Variants in SPADH observed in about 807,000 individuals in gnomAD.
The protein encoded by SPADH is CUB domain-containing protein.
At chr10:122,678,530 T>G in the SPADH span, among the ~76,000 whole-genome samples, 1 of 152,096 alleles carries the variant, frequency 6.6e-6, no homozygotes, top group Non-Finnish European at 1.5e-5. Flanking sequence ...ACACAGCTGA[T>G]GTTTTGACTA....
At chr10:122,676,117 C>T in the SPADH span, among the ~76,000 whole-genome samples, 4 of 152,342 alleles carry the variant, frequency 2.6e-5, no homozygotes, top group South Asian at 2.1e-4. Context: ...CGAGCTTCTC[C>T]GTGAGGATGC....
the SPADH span, among the ~76,000 whole-genome samples, chr10:122,677,908 T>C: frequency 6.6e-6 from 1 of 152,162 alleles, no homozygotes; most frequent in African/African-American, 2.4e-5. Flanking sequence ...AGGAGGGACC[T>C]GGAATGAAAG....
chr10:122,673,427 G>A, the SPADH span, among the ~76,000 whole-genome samples: 2 of 152,128 alleles, frequency 1.3e-5, no homozygotes. Flanking sequence ...GTTGTCACAT[G>A]GCTGCTGCAG....
At chr10:122,679,418 G>A in the SPADH span, among the ~76,000 whole-genome samples, 7 of 151,448 alleles carry the variant, frequency 4.6e-5, no homozygotes, top group Admixed American at 4.6e-4. Flanking sequence ...AGTAGTATAT[G>A]AACTATATAC....
At chr10:122,675,127 A>G in the SPADH span, among the ~76,000 whole-genome samples, 1 of 152,220 alleles carries the variant, frequency 6.6e-6, no homozygotes, top group African/African-American at 2.4e-5. Context: ...CAACAGATTT[A>G]TTTCAAATTC....
the SPADH span, among the ~76,000 whole-genome samples, chr10:122,676,425 T>A: frequency 6.6e-6 from 1 of 152,092 alleles, no homozygotes; most frequent in Non-Finnish European, 1.5e-5. Context: ...TGTAGGGAAA[T>A]GGAAAGATAG....
chr10:122,676,432 A>G, the SPADH span, among the ~76,000 whole-genome samples: 8 of 152,178 alleles, frequency 5.3e-5, no homozygotes, highest in African/African-American at 1.9e-4. Context: ...AAATGGAAAG[A>G]TAGTGTTTGT....
chr10:122,678,569 T>C, the SPADH span, among the ~76,000 whole-genome samples: 1 of 152,186 alleles, frequency 6.6e-6, no homozygotes, highest in Non-Finnish European at 1.5e-5. Context: ...CCTAGGGCCA[T>C]GGGCTGGGCT....
At chr10:122,674,813 G>A in the SPADH span, among the ~76,000 whole-genome samples, 1 of 152,208 alleles carries the variant, frequency 6.6e-6, no homozygotes, top group South Asian at 2.1e-4. Context: ...CATCCTGTAA[G>A]GTAGTTAAAA....
chr10:122,677,084 T>C, the SPADH span, among the ~76,000 whole-genome samples: 1 of 152,240 alleles, frequency 6.6e-6, no homozygotes, highest in Non-Finnish European at 1.5e-5. Flanking sequence ...TTTCTTGTCA[T>C]GCCTTTCTCA....
At chr10:122,675,597 A>C in the SPADH span, 1 of 924,738 alleles carries the variant, frequency 1.1e-6, no homozygotes, top group Non-Finnish European at 1.3e-6. Context: ...CCCATTGGTA[A>C]GTTCAGATTT....
At chr10:122,673,737 C>G in the SPADH span, among the ~76,000 whole-genome samples, 1 of 152,130 alleles carries the variant, frequency 6.6e-6, no homozygotes, top group Admixed American at 6.5e-5. Context: ...GTTTCCTACT[C>G]TCGTCACTTC....
the SPADH span, among the ~76,000 whole-genome samples, chr10:122,678,586 A>G: frequency 6.6e-6 from 1 of 152,150 alleles, no homozygotes; most frequent in East Asian, 1.9e-4. Context: ...GGCTCCCTGG[A>G]AGACATGGAA....
At chr10:122,676,849 T>C in the SPADH span, 1 of 985,186 alleles carries the variant, frequency 1.0e-6, no homozygotes, top group South Asian at 4.7e-5. Context: ...ATCATCGAGT[T>C]GAACCCCGGG....
the SPADH span, chr10:122,675,640 G>C: frequency 4.1e-6 from 4 of 984,126 alleles, no homozygotes; most frequent in Non-Finnish European, 4.8e-6. Context: ...TTGTCTTTCA[G>C]CCACAACTGT....
the SPADH span, among the ~76,000 whole-genome samples, chr10:122,674,644 G>A: frequency 1.3e-5 from 2 of 152,186 alleles, no homozygotes; most frequent in African/African-American, 4.8e-5. Context: ...GTCAGAATAG[G>A]TTGTGTAGCA....
At chr10:122,677,800 CG>C in the SPADH span, among the ~76,000 whole-genome samples, 1 of 152,090 alleles carries the variant, frequency 6.6e-6, no homozygotes. Context: ...GCCTCAAATA[CG>C]GGGCTTAAAC....
chr10:122,674,325 C>T, the SPADH span, among the ~76,000 whole-genome samples: 3 of 152,218 alleles, frequency 2.0e-5, no homozygotes, highest in African/African-American at 7.2e-5. Flanking sequence ...AGCCTCACAG[C>T]CTGAAAGCTT....
chr10:122,678,041 C>G, the SPADH span, among the ~76,000 whole-genome samples: 5 of 152,112 alleles, frequency 3.3e-5, no homozygotes, highest in African/African-American at 1.2e-4. Flanking sequence ...TCCTTGGCAC[C>G]AAGGAGGGAC....
Sources: gnomAD v4.1 joint callset for allele counts (sites outside exome capture counted in the v4.1 genomes callset) on GRCh38, gnomAD v4.1.1 for gene constraint, MANE v1.5 for transcripts, NCBI Gene and HGNC (gene_info 2026-07-23, HGNC 2026-07-21) for gene names.